NALF1: variants seen among roughly 807,000 people sequenced by gnomAD.
The protein encoded by NALF1 is NALCN channel auxiliary factor 1.
In NALF1, 3 loss-of-function variants were observed where a neutral mutation model predicts 48.4. The observed-to-expected ratio is 0.06, with a 90% CI of 0.03 to 0.16. NALF1 has a LOEUF of 0.16. NALF1 is among the 10% of genes least tolerant of loss of function. NALF1 has a pLI of 1.00. For synonymous variants in NALF1, 262 were observed against 245.7 expected, an observed-to-expected ratio of 1.07 and a Z score of -0.62; for missense variants, 526 against 571.5, an observed-to-expected ratio of 0.92 and a Z score of 0.81.
intron 1 of NALF1, among the ~76,000 whole-genome samples, chr13:107,746,844 G>A (rs7318472): frequency 0.096 from 14,616 of 152,146 alleles, 860 homozygotes; most frequent in South Asian, 0.15. Flanking sequence ...ATATCCACAT[G>A]CAGAAGAATG....
At chr13:107,620,215 T>C (rs17434898) in intron 1 of NALF1, among the ~76,000 whole-genome samples, 26,935 of 152,046 alleles carry the variant, frequency 0.18, 2,608 homozygotes, top group Middle Eastern at 0.34. Flanking sequence ...GAACCACAAT[T>C]TGATGGTGAG....
intron 1 of NALF1, among the ~76,000 whole-genome samples, chr13:107,240,223 A>G (rs939644429): frequency 1.3e-5 from 2 of 152,208 alleles, no homozygotes; most frequent in African/African-American, 2.4e-5. Flanking sequence ...ATGAGGACAC[A>G]GAGAGAAGAT....
intron 1 of NALF1, among the ~76,000 whole-genome samples, chr13:107,620,027 A>G (rs1278295613): frequency 6.6e-6 from 1 of 152,236 alleles, no homozygotes; most frequent in African/African-American, 2.4e-5. Context: ...TCTGTCACAT[A>G]TTAATTGAAC....
chr13:107,398,258 T>C (rs751866978), intron 1 of NALF1, among the ~76,000 whole-genome samples: 11 of 152,150 alleles, frequency 7.2e-5, no homozygotes, highest in African/African-American at 9.6e-5. Flanking sequence ...AAGCTTAACA[T>C]TGGTAGAGTT....
At chr13:107,410,952 T>C (rs550605178) in intron 1 of NALF1, among the ~76,000 whole-genome samples, 1 of 152,156 alleles carries the variant, frequency 6.6e-6, no homozygotes, top group African/African-American at 2.4e-5. Context: ...TTTTCAATAA[T>C]AGTAAGATTG....
chr13:107,178,290 T>C (rs1010980035), intron 2 of NALF1, among the ~76,000 whole-genome samples: 1 of 152,118 alleles, frequency 6.6e-6, no homozygotes, highest in African/African-American at 2.4e-5. Context: ...AAGAAAACAT[T>C]TGAAGAATAC....
intron 1 of NALF1, among the ~76,000 whole-genome samples, chr13:107,805,661 G>A (rs1566488885): frequency 2.6e-5 from 4 of 152,156 alleles, no homozygotes; most frequent in Non-Finnish European, 1.5e-5. Context: ...ATTAAATTGA[G>A]AAATGGGATG....
intron 1 of NALF1, among the ~76,000 whole-genome samples, chr13:107,575,074 G>A (rs969916930): frequency 6.6e-6 from 1 of 151,988 alleles, no homozygotes; most frequent in Non-Finnish European, 1.5e-5. Context: ...AGGAGCAAGG[G>A]CATAATCAAG....
At chr13:107,801,863 C>A (rs1000955128) in intron 1 of NALF1, among the ~76,000 whole-genome samples, 1 of 152,126 alleles carries the variant, frequency 6.6e-6, no homozygotes, top group South Asian at 2.1e-4. Context: ...GCACAGCCAG[C>A]GCTGCACCGG....
At chr13:107,419,195 G>T (rs902329320) in intron 1 of NALF1, among the ~76,000 whole-genome samples, 3 of 152,084 alleles carry the variant, frequency 2.0e-5, no homozygotes, top group African/African-American at 7.2e-5. Context: ...TTGGAGATTT[G>T]CATGATTTAT....
At chr13:107,530,933 G>C (rs1415332093) in intron 1 of NALF1, among the ~76,000 whole-genome samples, 1 of 151,988 alleles carries the variant, frequency 6.6e-6, no homozygotes, top group Non-Finnish European at 1.5e-5. Flanking sequence ...GTGATTTTTA[G>C]TGGAAACATT....
chr13:107,756,435 C>CTATA lies in NALF1; in HGVS notation c.915+109243_915+109246dup, dbSNP rs148971349. On this transcript the variant is annotated intron_variant, in intron 1 of 2. Transcript: ENST00000375915. ...ACTAAATATTAAATAAGTTTAATGG[C>CTATA]TATATATATATATATATATAAAGCA... is the stretch of plus-strand genomic sequence containing the variant. 9.1e-3 allele frequency among the ~76,000 whole-genome samples: 1,289 copies of CTATA among 141,064 alleles called. 51 individuals carry two copies. The East Asian group carries it at 0.12, about 13-fold the overall frequency. 92.5% of individuals were successfully genotyped at this position (141,064 alleles called of 152,430 possible).
At chr13:107,725,558 A>G (rs1172024598) in intron 1 of NALF1, among the ~76,000 whole-genome samples, 1 of 152,216 alleles carries the variant, frequency 6.6e-6, no homozygotes, top group African/African-American at 2.4e-5. Flanking sequence ...AAAAAATACA[A>G]AAATTACCTG....
chr13:107,185,977 A>C (rs1879162253), intron 2 of NALF1, among the ~76,000 whole-genome samples: 1 of 152,182 alleles, frequency 6.6e-6, no homozygotes, highest in Non-Finnish European at 1.5e-5. Flanking sequence ...AGAAATAAAC[A>C]ATCCATGAAT....
chr13:107,462,728 C>G (rs1231881396), intron 1 of NALF1, among the ~76,000 whole-genome samples: 2 of 152,224 alleles, frequency 1.3e-5, no homozygotes, highest in African/African-American at 2.4e-5. Context: ...CTTGGGTGAG[C>G]TTCCTTGGCA....
intron 1 of NALF1, among the ~76,000 whole-genome samples, chr13:107,594,998 A>T (rs1878701897): frequency 6.6e-6 from 1 of 152,146 alleles, no homozygotes; most frequent in African/African-American, 2.4e-5. Context: ...ATGATTATAT[A>T]ATTTCAAATT....
rs188525381 is a variant in NALF1, at chr13:107,574,729, G to T, written c.915+290953C>A. Among the ~76,000 whole-genome samples, 453 of 152,248 alleles carry T rather than the reference G, an allele frequency of 3.0e-3. 5 individuals are homozygous for T. Among genetic ancestry groups the T allele is most frequent in the African/African-American group, 9.8e-3 (408 of 41,542 alleles). On this transcript the variant is annotated intron_variant, in intron 1 of 2. Transcript: ENST00000375915. The stretch of plus-strand genomic sequence containing the variant: ...CCTATTATTCTGCAGACTTTTGGTT[G>T]ATTCCACAGCTTGAAATCCCTAAAG...
At chr13:107,730,488 C>G (rs758201239) in intron 1 of NALF1, among the ~76,000 whole-genome samples, 4 of 152,174 alleles carry the variant, frequency 2.6e-5, no homozygotes, top group Non-Finnish European at 5.9e-5. Flanking sequence ...AATGCTTTCC[C>G]TGTACTTCTG....
intron 1 of NALF1, among the ~76,000 whole-genome samples, chr13:107,819,996 T>G (rs73587777): frequency 0.035 from 5,343 of 152,256 alleles, 344 homozygotes; most frequent in African/African-American, 0.12. Flanking sequence ...AGCCAAATCC[T>G]GAAGACAAAG....
Sources: gnomAD v4.1 joint callset for allele counts (sites outside exome capture counted in the v4.1 genomes callset) on GRCh38, gnomAD v4.1.1 for gene constraint, MANE v1.5 for transcripts, NCBI Gene and HGNC (gene_info 2026-07-23, HGNC 2026-07-21) for gene names.